SORCS1: variants seen among roughly 807,000 people sequenced by gnomAD.
SORCS1 encodes VPS10 domain-containing receptor SorCS1.
In SORCS1, 60 loss-of-function variants were observed where a neutral mutation model predicts 146.1. That is an observed-to-expected ratio of 0.41 (90% CI 0.33 to 0.51). The LOEUF is 0.51. SORCS1 is among the 20% of genes least tolerant of loss of function. SORCS1 has a pLI of 0.21. For missense variants in SORCS1, 1,352 were observed against 1,487.6 expected, an observed-to-expected ratio of 0.91 and a Z score of 1.50; for synonymous variants, 637 against 584.0, an observed-to-expected ratio of 1.09 and a Z score of -1.31.
At chr10:107,023,043 G>C (rs1227985106) in intron 1 of SORCS1, among the ~76,000 whole-genome samples, 1 of 152,200 alleles carries the variant, frequency 6.6e-6, no homozygotes, top group Non-Finnish European at 1.5e-5. Flanking sequence ...GTCAGTCCAA[G>C]TTCACGGTGC....
intron 1 of SORCS1, among the ~76,000 whole-genome samples, chr10:106,974,736 A>G (rs930013579): frequency 6.6e-6 from 1 of 152,162 alleles, no homozygotes; most frequent in African/African-American, 2.4e-5. Context: ...AGGTCAAAAG[A>G]AAGAAGGACC....
chr10:106,800,055 G>A (rs890118680), intron 3 of SORCS1, among the ~76,000 whole-genome samples: 1 of 152,124 alleles, frequency 6.6e-6, no homozygotes, highest in Admixed American at 6.5e-5. Flanking sequence ...ACCTATTACA[G>A]GGAGTCAGAA....
intron 1 of SORCS1, among the ~76,000 whole-genome samples, chr10:107,014,250 C>A (rs1239343956): frequency 4.2e-5 from 4 of 95,468 alleles, no homozygotes; most frequent in East Asian, 2.7e-4. Flanking sequence ...GGAGACCCTG[C>A]GTCAAAAAAA....
chr10:106,863,682 T>A (rs1454709067), intron 2 of SORCS1, among the ~76,000 whole-genome samples: 1 of 151,352 alleles, frequency 6.6e-6, no homozygotes, highest in East Asian at 1.9e-4. Flanking sequence ...AGGCAATATC[T>A]GTTTCACAAA....
chr10:107,105,450 A>G (rs1349462397), intron 1 of SORCS1, among the ~76,000 whole-genome samples: 1 of 152,242 alleles, frequency 6.6e-6, no homozygotes, highest in East Asian at 1.9e-4. Flanking sequence ...GGTGAGGAGC[A>G]AGGAAGCTAG....
intron 3 of SORCS1, among the ~76,000 whole-genome samples, chr10:106,827,223 T>TC (rs398014735): frequency 1.3e-5 from 2 of 150,880 alleles, no homozygotes; most frequent in African/African-American, 2.4e-5. Flanking sequence ...TTTTTTTTTT[T>TC]CATGTTTCTC....
At chr10:106,945,355 G>A (rs1157112256) in intron 2 of SORCS1, among the ~76,000 whole-genome samples, 1 of 152,114 alleles carries the variant, frequency 6.6e-6, no homozygotes, top group Non-Finnish European at 1.5e-5. Flanking sequence ...CTTTCTTTGT[G>A]CCCAATACAG....
At chr10:107,045,227 C>A (rs1004953821) in intron 1 of SORCS1, among the ~76,000 whole-genome samples, 2 of 152,160 alleles carry the variant, frequency 1.3e-5, no homozygotes, top group Non-Finnish European at 2.9e-5. Flanking sequence ...GATTTACATA[C>A]ATCAAACACT....
At chr10:106,912,976 G>A (rs569103296) in intron 2 of SORCS1, among the ~76,000 whole-genome samples, 137 of 152,022 alleles carry the variant, frequency 9.0e-4, no homozygotes, top group Non-Finnish European at 1.6e-3. Flanking sequence ...CACTGCGCCC[G>A]GCCAGGCATT....
chr10:106,629,152 A>C (rs1025699686), intron 19 of SORCS1, 50 bp downstream of exon 19: 1 of 1,505,274 alleles, frequency 6.6e-7, no homozygotes, highest in African/African-American at 1.4e-5. Context: ...CAATTTGAAA[A>C]GGACACAATA....
At chr10:106,821,192 A>C (rs898713162) in intron 3 of SORCS1, among the ~76,000 whole-genome samples, 5 of 152,236 alleles carry the variant, frequency 3.3e-5, no homozygotes, top group African/African-American at 1.2e-4. Flanking sequence ...TCAGTGATAT[A>C]AAAAACATGC....
intron 1 of SORCS1, among the ~76,000 whole-genome samples, chr10:107,144,323 C>A (rs574624693): frequency 4.9e-4 from 75 of 152,282 alleles, no homozygotes; most frequent in South Asian, 8.3e-4. Flanking sequence ...GTGTTCTTAG[C>A]CCTACCAGAA....
At chr10:106,658,820 T>G (rs1850500951) in intron 17 of SORCS1, among the ~76,000 whole-genome samples, 1 of 152,152 alleles carries the variant, frequency 6.6e-6, no homozygotes, top group Non-Finnish European at 1.5e-5. Context: ...TAGAGAGAGA[T>G]TCTTCTACCC....
intron 24 of SORCS1, among the ~76,000 whole-genome samples, chr10:106,594,302 T>C (rs7087086): frequency 0.013 from 2,026 of 152,336 alleles, 51 homozygotes; most frequent in African/African-American, 0.046. Context: ...ACGGTTAACA[T>C]ATCAATCTTT....
intron 24 of SORCS1, among the ~76,000 whole-genome samples, chr10:106,582,152 C>G (rs1427224081): frequency 6.6e-6 from 1 of 152,012 alleles, no homozygotes; most frequent in Admixed American, 6.6e-5. Flanking sequence ...CACACACACA[C>G]ACACACATGA....
intron 2 of SORCS1, among the ~76,000 whole-genome samples, chr10:106,945,010 C>T (rs544695287): frequency 6.0e-5 from 9 of 150,432 alleles, no homozygotes; most frequent in East Asian, 2.0e-4. Flanking sequence ...CTCAAACTCC[C>T]GAGAGGCTGG....
chr10:107,156,037 C>G (rs1489309958), intron 1 of SORCS1, among the ~76,000 whole-genome samples: 1 of 152,036 alleles, frequency 6.6e-6, no homozygotes, highest in Non-Finnish European at 1.5e-5. Context: ...GGCTTCAACC[C>G]AAACAGCATC....
intron 4 of SORCS1, among the ~76,000 whole-genome samples, chr10:106,772,470 A>ATCTC (rs370234577): frequency 7.8e-5 from 10 of 127,554 alleles, no homozygotes; most frequent in African/African-American, 2.0e-4. Flanking sequence ...CAATCAATCA[A>ATCTC]TCTCTCTCTC....
intron 1 of SORCS1, among the ~76,000 whole-genome samples, chr10:106,967,346 T>TTC (rs1260969375): frequency 6.6e-6 from 1 of 151,668 alleles, no homozygotes; most frequent in African/African-American, 2.4e-5. Context: ...GATTTTGACT[T>TTC]TTTTTTTACA....
Sources: gnomAD v4.1 joint callset for allele counts (sites outside exome capture counted in the v4.1 genomes callset) on GRCh38, gnomAD v4.1.1 for gene constraint, MANE v1.5 for transcripts, NCBI Gene and HGNC (gene_info 2026-07-23, HGNC 2026-07-21) for gene names.